LAMB3: variants seen among roughly 807,000 people sequenced by gnomAD.
LAMB3 encodes laminin subunit beta 3, also known as laminin subunit beta-3.
In LAMB3, 104 loss-of-function variants were observed where a neutral mutation model predicts 140.3. The ratio of observed to expected loss-of-function variants is 0.74; its 90% CI spans 0.63 to 0.87. The LOEUF (loss-of-function observed/expected upper bound fraction) is 0.87, where lower values mean the gene tolerates loss of function less well. LAMB3 is among the 40% of genes least tolerant of loss of function. LAMB3 has a pLI of 0.00. For synonymous variants in LAMB3, 592 were observed against 602.9 expected (o/e 0.98, Z 0.26); for missense variants, 1,531 against 1,575.2 (o/e 0.97, Z 0.47).
At chr1:209,646,747 G>A (rs1001824381) in intron 3 of LAMB3, among the ~76,000 whole-genome samples, 5 of 152,246 alleles carry the variant, frequency 3.3e-5, no homozygotes, top group Admixed American at 3.3e-4. Context: ...GGAGAGAAGG[G>A]TTGGATAGAA....
intron 18 of LAMB3, among the ~76,000 whole-genome samples, chr1:209,618,966 T>C (rs1362354319): frequency 6.6e-6 from 1 of 152,158 alleles, no homozygotes; most frequent in Non-Finnish European, 1.5e-5. Context: ...AAGGAGGTGG[T>C]GCCAGACAGC....
chr1:209,629,769 C>G lies in LAMB3; in HGVS notation c.1100G>C (p.Arg367Pro), dbSNP rs772446912. The G allele has an allele frequency of 2.5e-6, 4 of 1,614,008 alleles. No individual in the cohort carries two copies. The East Asian group carries it at 8.9e-5, about 36-fold the overall frequency. Residue 367 changes from arginine (R) to proline (P), a missense_variant, in exon 10 of 23, where the codon CGC becomes CCC. Arg to Pro is a moderately radical substitution (Grantham distance 103). Transcript: ENST00000356082. ...GGTCTCCTGAATGGAAGCTCCCGGGCGCCGGTTCCGGAAATAGTGCAGCTG... is the reference window on the plus strand; with the variant it reads ...GGTCTCCTGAATGGAAGCTCCCGGGGGCCGGTTCCGGAAATAGTGCAGCTG... ...RCQLHYFRNR[R>P]PGASIQETCI... is the part of the protein sequence containing the mutation.
intron 5 of LAMB3, 37 bp from the exon 6 acceptor site, chr1:209,634,675 T>C (rs1343260411): frequency 6.5e-6 from 10 of 1,547,030 alleles, no homozygotes; most frequent in Non-Finnish European, 8.9e-6. Flanking sequence ...GGGGAGGCAC[T>C]GGGGCTGTGC....
At chr1:209,637,185 T>C (rs1666922793) in intron 5 of LAMB3, among the ~76,000 whole-genome samples, 1 of 152,232 alleles carries the variant, frequency 6.6e-6, no homozygotes, top group Non-Finnish European at 1.5e-5. Context: ...GCAAGGCTCT[T>C]AGAGCCAACT....
Position 209,638,616 on chromosome 1 carries a change from C to T in LAMB3, c.216G>A (p.Arg72=), listed in dbSNP as rs765883028. 7.6e-5 allele frequency: 122 copies of T among 1,613,774 alleles called. No individual in the cohort carries two copies. The highest frequency in any genetic ancestry group is 9.7e-5 in the Non-Finnish European group (115 of 1,179,806). ...WQMKCCKCDS[R]QPHNYYSHRV... ...GGTGACTGTAGTAGTTGTGAGGCTG[C>T]CTGGAGTCACACTTGCAGCATTTCA... Residue 72 remains arginine, a synonymous_variant, in exon 4 of 23, where the codon AGG becomes AGA. Transcript: ENST00000356082.
chr1:209,627,933 T>G (rs1666531645), intron 11 of LAMB3, 102 bp downstream of exon 11: 1 of 1,422,522 alleles, frequency 7.0e-7, no homozygotes, highest in Admixed American at 2.0e-5. Flanking sequence ...TACCCTGCAG[T>G]GGGATTTCCT....
chr1:209,626,658 G>A (rs928617867), intron 13 of LAMB3, among the ~76,000 whole-genome samples: 11 of 152,364 alleles, frequency 7.2e-5, no homozygotes, highest in Middle Eastern at 3.4e-3. Context: ...TCACGGGGAC[G>A]CAGGAACAGC....
At position 209,632,672 on chromosome 1, in the gene LAMB3, G is replaced by A. The variant is rs776549945; in HGVS notation, c.733C>T (p.Arg245Cys). The change falls in exon 8 of 23, where the codon CGT becomes TGT. Residue 245 changes from arginine (R) to cysteine (C), a missense_variant. Transcript: ENST00000356082. The stretch of plus-strand genomic sequence containing the variant: ...TGACAGAAGCAGCTCCCCTGCAGAC[G>A]GAGCTGGGACACAGCATAGTAGGCG... ...PSAYYAVSQL[R>C]LQGSCFCHGH... 29 of 1,614,198 alleles carry A rather than the reference G, an allele frequency of 1.8e-5. No homozygotes were observed. Among genetic ancestry groups the A allele is most frequent in the Non-Finnish European group, 2.3e-5 (27 of 1,180,024 alleles).
At chr1:209,627,998 C>A (rs1194800353) in intron 11 of LAMB3, 37 bp downstream of exon 11, 1 of 1,571,216 alleles carries the variant, frequency 6.4e-7, no homozygotes, top group Non-Finnish European at 8.6e-7. Flanking sequence ...CCCATGCAGC[C>A]CACCCCACGT....
chr1:209,626,823 TCGGCCCCCAGAGCCTCAG>T, intron 13 of LAMB3, 26 bp downstream of exon 13: 1 of 1,489,770 alleles, frequency 6.7e-7, no homozygotes, highest in Non-Finnish European at 9.4e-7. Context: ...ACCCGCGTGC[TCGGCCCCCAGAGCCTCAG>T]CGTCCCCCAG....
rs1336997695 is a variant in LAMB3, at chr1:209,625,835, G to T, written c.1789C>A (p.Leu597Met). The T allele has an allele frequency of 6.2e-7, 1 of 1,614,140 alleles. No homozygotes were observed. The highest frequency in any genetic ancestry group is 2.2e-5 in the East Asian group (1 of 44,884). Residue 597 changes from leucine to methionine, a missense_variant, in exon 14 of 23, where the codon CTG becomes ATG. Leu to Met is a conservative substitution (Grantham distance 15). Coordinates refer to ENST00000356082, the MANE Select transcript of LAMB3 (RefSeq NM_000228.3). ...TYDADLREQA[L>M]RFGRLRNATA... ...GCATTGCGGAGTCTACCAAAGCGCA[G>T]GGCCTGCTCCCGGAGGTCCGCATCA... is the stretch of plus-strand genomic sequence containing the variant.
intron 6 of LAMB3, among the ~76,000 whole-genome samples, chr1:209,633,957 T>G (rs1666792199): frequency 6.6e-6 from 1 of 152,196 alleles, no homozygotes. Flanking sequence ...GGGTTTAAGC[T>G]CAGGAGAATT....
In LAMB3 at chr1:209,622,622, G is replaced by T. The variant is rs756505234; in HGVS notation, c.2615C>A (p.Thr872Asn). The T allele has an allele frequency of 3.0e-5, 49 of 1,614,056 alleles. No individual in the cohort carries two copies. In the South Asian group the frequency reaches 5.2e-4, roughly 17 times the overall value. The stretch of plus-strand genomic sequence containing the variant: ...CTGGGAGCGGCTGGCGCTCACCTGG[G>T]TCTCCAAGCGCTGGGCACTGGATTG... ...QIQSSAQRLE[T>N]QVSASRSQME... Residue 872 changes from threonine (T) to asparagine (N), a missense_variant, in exon 18 of 23, where the codon ACC (threonine) becomes AAC (asparagine). By Grantham distance (65) the Thr-to-Asn change is moderately conservative. Transcript: ENST00000356082.
Position 209,622,570 on chromosome 1 carries a change from C to T in LAMB3, c.2667G>A (p.Arg889=), listed in dbSNP as rs1666239335. The part of the protein sequence containing the change: ...SQMEEDVRRT[R]LLIQQVRDFL... The stretch of plus-strand genomic sequence containing the variant: ...AGTCCCGGACCTGCTGGATTAGGAG[C>T]CGTGTGCGTCTGACATCTTCCTCCA... The change falls in exon 18 of 23, where the codon CGG becomes CGA. Residue 889 remains arginine (R), a synonymous_variant. Coordinates refer to ENST00000356082, the MANE Select transcript of LAMB3 (RefSeq NM_000228.3). 3.7e-6 allele frequency: 6 copies of T among 1,613,934 alleles called. No individual in the cohort carries two copies. Among genetic ancestry groups the T allele is most frequent in the Admixed American group, 1.7e-5 (1 of 59,994 alleles).
chr1:209,618,369 T>C, intron 19 of LAMB3, 83 bp downstream of exon 19: 1 of 1,377,574 alleles, frequency 7.3e-7, no homozygotes, highest in Non-Finnish European at 1.0e-6. Flanking sequence ...CAGCCCTCTG[T>C]ACCCCTCTCC....
chr1:209,638,822 T>C (rs560402381), intron 3 of LAMB3, among the ~76,000 whole-genome samples, 174 bp from the exon 4 acceptor site: 8 of 152,316 alleles, frequency 5.3e-5, no homozygotes, highest in African/African-American at 1.9e-4. Flanking sequence ...GATCACCTTT[T>C]AATTGGTCAT....
intron 3 of LAMB3, among the ~76,000 whole-genome samples, chr1:209,640,558 A>G (rs1056993119): frequency 2.0e-5 from 3 of 151,824 alleles, no homozygotes; most frequent in African/African-American, 7.3e-5. Flanking sequence ...AAAAAAAAAA[A>G]AGTAATAAAA....
intron 3 of LAMB3, among the ~76,000 whole-genome samples, chr1:209,646,506 C>T (rs1052390255): frequency 6.6e-6 from 1 of 152,236 alleles, no homozygotes; most frequent in Non-Finnish European, 1.5e-5. Context: ...GTCCTCACCC[C>T]CAGTCTGGGG....
In LAMB3 at chr1:209,617,503, C is replaced by G. The variant is rs756650682; in HGVS notation, c.3135G>C (p.Glu1045Asp). The G allele has an allele frequency of 6.2e-7, 1 of 1,613,972 alleles. No homozygotes were observed. Among genetic ancestry groups the G allele is most frequent in the African/African-American group, 1.3e-5 (1 of 74,924 alleles). ...QLGDFWTRME[E>D]LRHQARQQGA... is the part of the protein sequence containing the mutation. ...CCTGCTGCCGGGCTTGGTGGCGGAG[C>G]TCCTCCATCCGTGTCCAGAAGTCAC... Residue 1045 changes from glutamate to aspartate, a missense_variant, in exon 21 of 23, where the codon GAG becomes GAC. Transcript: ENST00000356082.
Sources: gnomAD v4.1 joint callset for allele counts (sites outside exome capture counted in the v4.1 genomes callset) on GRCh38, gnomAD v4.1.1 for gene constraint, MANE v1.5 for transcripts, NCBI Gene and HGNC (gene_info 2026-07-23, HGNC 2026-07-21) for gene names.